Variants in ZNF132 observed in about 807,000 individuals in gnomAD.
ZNF132 encodes zinc finger protein 132, also known as zinc finger protein 132 (clone pHZ-12).
A neutral mutation model predicts 9.3 loss-of-function variants in ZNF132; 6 were observed. The observed-to-expected ratio is 0.65, with a 90% CI of 0.35 to 1.28. The LOEUF (loss-of-function observed/expected upper bound fraction) is 1.28, where lower values mean the gene tolerates loss of function less well. Among genes scored for constraint, ZNF132 ranks in the 50% most tolerant of loss-of-function variants. ZNF132 has a pLI of 0.03. For synonymous variants in ZNF132, 296 were observed against 292.0 expected (o/e 1.01, Z -0.14); for missense variants, 877 against 843.2 (o/e 1.04, Z -0.50).
rs2052759711 is a variant in ZNF132, at chr19:58,434,228, T to A, written c.1216A>T (p.Ser406Cys). The change falls in exon 3 of 3, where the codon AGT (serine) becomes TGT (cysteine). Residue 406 changes from serine to cysteine, a missense_variant. Transcript: ENST00000254166. ...CGGCTGAAGGATTTACCACATTGAC[T>A]GCACTCATAAGGTCTTACCTGTGTG... ...VHTQVRPYEC[S>C]QCGKSFSRSS... 1 of 1,613,852 alleles carries A rather than the reference T, an allele frequency of 6.2e-7. No homozygotes were observed. Among genetic ancestry groups the A allele is most frequent in the African/African-American group, 1.3e-5 (1 of 74,826 alleles).
At position 58,433,218 on chromosome 19, in the gene ZNF132, C is replaced by T. The variant is rs1269815375; in HGVS notation, c.*105G>A. The T allele has an allele frequency of 8.1e-7, 1 of 1,242,184 alleles. No individual in the cohort carries two copies. The highest frequency in any genetic ancestry group is 1.1e-6 in the Non-Finnish European group (1 of 893,806). The allele number at this position is 1,242,184 out of a possible 1,614,324, so 76.9% of individuals were successfully genotyped here. On this transcript the variant is annotated 3_prime_UTR_variant, in exon 3 of 3. Transcript: ENST00000254166. ...AGAGTAGCTTCTGAAGGCTTTTCCA[C>T]ATTAGCAGTACATGTAGGTAATTTT... is the stretch of plus-strand genomic sequence containing the variant.
chr19:58,438,395 G>A (rs2052784327), intron 1 of ZNF132, among the ~76,000 whole-genome samples: 1 of 151,766 alleles, frequency 6.6e-6, no homozygotes, highest in African/African-American at 2.4e-5. Context: ...ATACAACATG[G>A]CCAAAATCCA....
chr19:58,435,987 TC>T (rs1425847019), intron 2 of ZNF132, among the ~76,000 whole-genome samples: 3 of 152,368 alleles, frequency 2.0e-5, no homozygotes, highest in East Asian at 1.9e-4. Context: ...CTGTAGTCTT[TC>T]TATACACTGG....
chr19:58,439,683 A>T, intron 1 of ZNF132, 76 bp downstream of exon 1: 1 of 1,427,522 alleles, frequency 7.0e-7, no homozygotes, highest in African/African-American at 1.5e-5. Flanking sequence ...GGACACCAAC[A>T]TCCCCTCTAT....
chr19:58,434,045 C>T lies in ZNF132; in HGVS notation c.1399G>A (p.Asp467Asn). 6.2e-7 allele frequency: 1 copy of T among 1,614,090 alleles called. No individual in the cohort carries two copies. Among genetic ancestry groups the T allele is most frequent in the Non-Finnish European group, 8.5e-7 (1 of 1,179,996 alleles). The change falls in exon 3 of 3, where the codon GAC becomes AAC. Residue 467 changes from aspartate to asparagine, a missense_variant. Coordinates refer to ENST00000254166, the MANE Select transcript of ZNF132 (RefSeq NM_003433.4). ...RPFECSECGR[D>N]FSQSSHLLRH... Reference sequence around the variant, plus strand: ...AGGAGATGGGAGCTTTGGCTGAAGTCTCTTCCACATTCACTGCACTCAAAA... The same window carrying T: ...AGGAGATGGGAGCTTTGGCTGAAGTTTCTTCCACATTCACTGCACTCAAAA...
intron 1 of ZNF132, chr19:58,437,730 C>T (rs2052781010): frequency 2.0e-6 from 2 of 985,296 alleles, no homozygotes; most frequent in South Asian, 4.7e-5. Flanking sequence ...GCATACCTGA[C>T]AGATGCAACC....
Position 58,434,505 on chromosome 19 carries a change from G to A in ZNF132, c.939C>T (p.His313=). Reference sequence around the variant, plus strand: ...TGCACTCATAATATTTTACTTCAGTGTGAAATTTCTGGTGCTTCCTCAGCT... The same window carrying A: ...TGCACTCATAATATTTTACTTCAGTATGAAATTTCTGGTGCTTCCTCAGCT... The part of the protein sequence containing the change: ...SSKLRKHQKF[H]TEVKYYECIA... The change falls in exon 3 of 3, where the codon CAC becomes CAT. Residue 313 remains histidine (H), a synonymous_variant. Transcript: ENST00000254166. 6.2e-7 allele frequency: 1 copy of A among 1,614,204 alleles called. No individual in the cohort carries two copies. The highest frequency in any genetic ancestry group is 8.5e-7 in the Non-Finnish European group (1 of 1,180,022).
chr19:58,433,893 G>T lies in ZNF132; in HGVS notation c.1551C>A (p.Cys517Ter). 6.2e-7 allele frequency: 1 copy of T among 1,614,192 alleles called. No homozygotes were observed. The change falls in exon 3 of 3, where the codon TGC (cysteine) becomes TGA (stop). Residue 517 changes from cysteine to a stop codon, truncating the protein, a stop_gained. Transcript: ENST00000254166. LOFTEE classifies it low-confidence loss of function (END_TRUNC). ...GGCTGAAGGATTTCCTACATTCGCT[G>T]CACTCATAAGGCCTTTGCCCAGTAT... ...KVHTGQRPYE[C>*]SECRKSFSRS...
At chr19:58,438,472 A>ATTTTT (rs35691687) in intron 1 of ZNF132, among the ~76,000 whole-genome samples, 1 of 129,824 alleles carries the variant, frequency 7.7e-6, no homozygotes, top group African/African-American at 3.0e-5. Flanking sequence ...TCTAAGGTCA[A>ATTTTT]TTTTTTTTTT....
chr19:58,439,623 G>A (rs370277661), intron 1 of ZNF132, 136 bp downstream of exon 1: 1 of 893,984 alleles, frequency 1.1e-6, no homozygotes, highest in East Asian at 3.3e-5. Context: ...TGACTCCCAG[G>A]GCAGGGCCCA....
At position 58,437,205 on chromosome 19, in the gene ZNF132, C is replaced by T; in HGVS notation, c.74G>A (p.Trp25Ter). ...LLMGPAQHTS[W>*]PCGSAVPTLK... The stretch of plus-strand genomic sequence containing the variant: ...TGTGGGGACAGCTGAGCCACAGGGC[C>T]AAGAAGTATGCTGACAAAGAAACAA... The change falls in exon 2 of 3, where the codon TGG becomes TAG. Residue 25 changes from tryptophan (W) to a stop codon, truncating the protein, a stop_gained. Transcript: ENST00000254166. LOFTEE classifies it high-confidence loss of function. The T allele has an allele frequency of 6.3e-7, 1 of 1,598,562 alleles. No individual in the cohort carries two copies. Among genetic ancestry groups the T allele is most frequent in the Non-Finnish European group, 8.5e-7 (1 of 1,173,350 alleles).
In ZNF132 at chr19:58,439,177, G is replaced by A. The variant is rs576522103; in HGVS notation, c.63+582C>T. On this transcript the variant is annotated intron_variant, in intron 1 of 2. Coordinates refer to ENST00000254166, the MANE Select transcript of ZNF132 (RefSeq NM_003433.4). ...AGCCAACCATCTGTCCTACCTCCAC[G>A]GGCACCCCTCTGTCCAGCTACCCAA... 5.3e-5 allele frequency among the ~76,000 whole-genome samples: 8 copies of A among 152,232 alleles called. No individual in the cohort carries two copies. The South Asian group carries it at 1.0e-3, about 20-fold the overall frequency.
chr19:58,434,669 A>C lies in ZNF132; in HGVS notation c.775T>G (p.Ser259Ala). Residue 259 changes from serine (S) to alanine (A), a missense_variant, in exon 3 of 3, where the codon TCT becomes GCT. By Grantham distance (99) the Ser-to-Ala change is moderately conservative. Coordinates refer to ENST00000254166, the MANE Select transcript of ZNF132 (RefSeq NM_003433.4). ...STLPNHLRTH[S>A]EEIPFTCPTG... ...GGGCATGTAAATGGTATCTCTTCAG[A>C]GTGAGTTCTCAGATGGTTGGGGAGA... 2 of 1,614,178 alleles carry C rather than the reference A, an allele frequency of 1.2e-6. No individual in the cohort carries two copies. The highest frequency in any genetic ancestry group is 1.7e-6 in the Non-Finnish European group (2 of 1,180,040).
chr19:58,433,111 C>T lies in ZNF132; in HGVS notation c.*212G>A. On this transcript the variant is annotated 3_prime_UTR_variant, in exon 3 of 3. Transcript: ENST00000254166. ...ACTGCTGCAAATTTTTGGATCCAGGCAAGATGGAAAGTGACTATGGCTTCT... is the reference window on the plus strand; with the variant it reads ...ACTGCTGCAAATTTTTGGATCCAGGTAAGATGGAAAGTGACTATGGCTTCT... 1 of 605,326 alleles carries T rather than the reference C, an allele frequency of 1.7e-6. No individual in the cohort carries two copies. Among genetic ancestry groups the T allele is most frequent in the South Asian group, 2.2e-5 (1 of 45,318 alleles). 37.5% of individuals were successfully genotyped at this position (605,326 alleles called of 1,614,324 possible).
chr19:58,436,935 A>G, intron 2 of ZNF132, 112 bp downstream of exon 2: 1 of 1,472,030 alleles, frequency 6.8e-7, no homozygotes, highest in Non-Finnish European at 9.4e-7. Context: ...TACAACAGGA[A>G]ACCCGAGAAG....
At position 58,433,126 on chromosome 19, in the gene ZNF132, C is replaced by A. The variant is rs1445584163; in HGVS notation, c.*197G>T. The A allele has an allele frequency of 3.2e-6, 2 of 623,976 alleles. No individual in the cohort carries two copies. Among genetic ancestry groups the A allele is most frequent in the African/African-American group, 3.7e-5 (2 of 54,374 alleles). 38.7% of individuals were successfully genotyped at this position (623,976 alleles called of 1,614,324 possible). A position where few individuals can be genotyped will look rare whatever the true frequency, so the allele number is the denominator to read the frequency against. ...TGGATCCAGGCAAGATGGAAAGTGA[C>A]TATGGCTTCTGCCTTATGCTGCATG... On this transcript the variant is annotated 3_prime_UTR_variant, in exon 3 of 3. Transcript: ENST00000254166.
chr19:58,439,906 C>T lies in ZNF132; in HGVS notation c.-85G>A. 7.0e-7 allele frequency: 1 copy of T among 1,424,066 alleles called. No individual in the cohort carries two copies. The highest frequency in any genetic ancestry group is 9.5e-7 in the Non-Finnish European group (1 of 1,056,520). 88.2% of individuals were successfully genotyped at this position (1,424,066 alleles called of 1,614,324 possible). On this transcript the variant is annotated 5_prime_UTR_variant, in exon 1 of 3. The change creates a premature stop within an existing upstream ORF in the 5' untranslated region. Transcript: ENST00000254166. ...ACGGTCGCACTCAGGACCTGTCTTC[C>T]CAAATGCAAAATGCGCGCAAGGCCT...
chr19:58,434,639 C>T lies in ZNF132; in HGVS notation c.805G>A (p.Gly269Ser). ...SEEIPFTCPT[G>S]GNFLEEKSIL... Reference sequence around the variant, plus strand: ...GATTTCTCCTCTAAGAAATTTCCACCTGTTGGGCATGTAAATGGTATCTCT... The same window carrying T: ...GATTTCTCCTCTAAGAAATTTCCACTTGTTGGGCATGTAAATGGTATCTCT... The change falls in exon 3 of 3, where the codon GGT becomes AGT. Residue 269 changes from glycine to serine, a missense_variant. Physicochemically the swap from Gly to Ser is moderately conservative, Grantham distance 56. Coordinates refer to ENST00000254166, the MANE Select transcript of ZNF132 (RefSeq NM_003433.4). The T allele has an allele frequency of 6.2e-7, 1 of 1,614,150 alleles. No individual in the cohort carries two copies. Among genetic ancestry groups the T allele is most frequent in the Non-Finnish European group, 8.5e-7 (1 of 1,180,032 alleles).
At chr19:58,435,267 C>T in intron 2 of ZNF132, 56 bp from the exon 3 acceptor site, 3 of 1,553,510 alleles carry the variant, frequency 1.9e-6, no homozygotes, top group East Asian at 2.2e-5. Context: ...GAATGGTTGA[C>T]TTCATTAGAA....
Sources: gnomAD v4.1 joint callset for allele counts (sites outside exome capture counted in the v4.1 genomes callset) on GRCh38, gnomAD v4.1.1 for gene constraint, MANE v1.5 for transcripts, NCBI Gene and HGNC (gene_info 2026-07-23, HGNC 2026-07-21) for gene names.